Variants in RNF220 observed in about 807,000 individuals in gnomAD.
RNF220 encodes ring finger protein 220.
In RNF220, 7 loss-of-function variants were observed where a neutral mutation model predicts 67.1. The ratio of observed to expected loss-of-function variants is 0.10; its 90% CI spans 0.06 to 0.20. The LOEUF (loss-of-function observed/expected upper bound fraction) is 0.20. Among genes scored for constraint, RNF220 ranks in the 10% least tolerant of loss-of-function variants. RNF220 has a pLI of 1.00. For synonymous variants in RNF220, 270 were observed against 283.2 expected, an observed-to-expected ratio of 0.95 and a Z score of 0.47; for missense variants, 565 against 740.3, an observed-to-expected ratio of 0.76 and a Z score of 2.75.
chr1:44,460,047 A>G (rs1653609902), intron 2 of RNF220, among the ~76,000 whole-genome samples: 1 of 152,180 alleles, frequency 6.6e-6, no homozygotes, highest in South Asian at 2.1e-4. Flanking sequence ...CGGCCAGTAA[A>G]GGGTGAATTA....
intron 2 of RNF220, among the ~76,000 whole-genome samples, chr1:44,584,228 A>G (rs1665525530): frequency 6.6e-6 from 1 of 152,126 alleles, no homozygotes; most frequent in Non-Finnish European, 1.5e-5. Flanking sequence ...CCTTTGGTCC[A>G]CTCAATTCAG....
chr1:44,423,963 G>A lies in RNF220; in HGVS notation c.625+11241G>A, dbSNP rs549474963. On this transcript the variant is annotated intron_variant, in intron 2 of 14. Transcript: ENST00000361799. ...ACAGTTCCTTCCAGGCGGGGCCTCT[G>A]TACTCCACCATCCCCGCTGTGGTTT... 2.2e-5 allele frequency: 22 copies of A among 985,404 alleles called. No homozygotes were observed. The South Asian group carries it at 8.0e-4, about 36-fold the overall frequency. The allele number at this position is 985,404 out of a possible 1,614,324, so 61.0% of individuals were successfully genotyped here. A position where few individuals can be genotyped will look rare whatever the true frequency, so the allele number is the denominator to read the frequency against.
At chr1:44,487,261 G>A (rs193157452) in intron 2 of RNF220, among the ~76,000 whole-genome samples, 61 of 152,134 alleles carry the variant, frequency 4.0e-4, no homozygotes, top group South Asian at 3.1e-3. Context: ...CTTGAACCTG[G>A]GAGGCAGAGG....
chr1:44,508,687 A>G (rs893360652), intron 2 of RNF220, among the ~76,000 whole-genome samples: 1 of 152,146 alleles, frequency 6.6e-6, no homozygotes, highest in Non-Finnish European at 1.5e-5. Flanking sequence ...ATTTTCCCTG[A>G]GAACTGGGAG....
At chr1:44,495,507 G>C (rs1242445625) in intron 2 of RNF220, among the ~76,000 whole-genome samples, 1 of 152,200 alleles carries the variant, frequency 6.6e-6, no homozygotes, top group Non-Finnish European at 1.5e-5. Context: ...GTTAGTAAGG[G>C]AACGTAACCT....
intron 2 of RNF220, among the ~76,000 whole-genome samples, chr1:44,525,803 A>G (rs771299043): frequency 4.6e-5 from 7 of 152,152 alleles, no homozygotes; most frequent in Non-Finnish European, 8.8e-5. Context: ...AGCAGATTCC[A>G]TGGAAACACA....
intron 2 of RNF220, among the ~76,000 whole-genome samples, chr1:44,500,129 T>G (rs145821287): frequency 2.0e-5 from 3 of 152,314 alleles, no homozygotes; most frequent in Non-Finnish European, 4.4e-5. Flanking sequence ...ATTCTGTGAC[T>G]CCTCTGGCTT....
At position 44,645,515 on chromosome 1, in the gene RNF220, T is replaced by A; in HGVS notation, c.1445+27T>A. 1 of 1,609,446 alleles carries A rather than the reference T, an allele frequency of 6.2e-7. No homozygotes were observed. The highest frequency in any genetic ancestry group is 8.5e-7 in the Non-Finnish European group (1 of 1,177,070). On this transcript the variant is annotated intron_variant, in intron 12 of 14. Coordinates refer to ENST00000361799, the MANE Select transcript of RNF220 (RefSeq NM_018150.4). The surrounding 1 kb of genome is among the most constrained non-coding windows in gnomAD (Gnocchi z 5.0). ...TAAGTGTTTGGCCAGGAGAGAGCCC[T>A]GGGACCACAGTTCAGTGGGAGGAGG...
intron 2 of RNF220, among the ~76,000 whole-genome samples, chr1:44,557,312 G>A (rs1259018089): frequency 6.6e-6 from 1 of 150,574 alleles, no homozygotes; most frequent in African/African-American, 2.4e-5. Flanking sequence ...ATTGAGCCTA[G>A]GTATTCTTTC....
intron 2 of RNF220, among the ~76,000 whole-genome samples, chr1:44,474,279 G>A (rs1406208227): frequency 4.0e-5 from 6 of 151,826 alleles, no homozygotes; most frequent in Non-Finnish European, 8.8e-5. Context: ...GGAGGCTGAG[G>A]CAGGAGAATC....
intron 2 of RNF220, among the ~76,000 whole-genome samples, chr1:44,554,313 A>C (rs1662899248): frequency 1.3e-5 from 2 of 152,058 alleles, no homozygotes; most frequent in Non-Finnish European, 2.9e-5. Context: ...CCTGGTAGGC[A>C]TTGAGGAGGG....
chr1:44,491,032 C>G (rs1656807822), intron 2 of RNF220, among the ~76,000 whole-genome samples: 1 of 152,174 alleles, frequency 6.6e-6, no homozygotes, highest in African/African-American at 2.4e-5. Context: ...GAAACTGACT[C>G]AAGAAGAAGA....
chr1:44,451,401 A>G (rs1046052371), intron 2 of RNF220, among the ~76,000 whole-genome samples: 9 of 151,898 alleles, frequency 5.9e-5, no homozygotes, highest in African/African-American at 2.2e-4. Flanking sequence ...TCATATATTT[A>G]TTGATTATTT....
At chr1:44,495,030 TC>T (rs1275411189) in intron 2 of RNF220, among the ~76,000 whole-genome samples, 3 of 151,992 alleles carry the variant, frequency 2.0e-5, no homozygotes, top group African/African-American at 7.2e-5. Flanking sequence ...CTGGGCAACA[TC>T]GCAAGACCTC....
chr1:44,413,509 C>T (rs1047850971), intron 2 of RNF220, among the ~76,000 whole-genome samples: 2 of 152,144 alleles, frequency 1.3e-5, no homozygotes, highest in African/African-American at 4.8e-5. Flanking sequence ...GGAACTAAAC[C>T]TTTATTTGGA....
At chr1:44,488,708 C>A (rs915836783) in intron 2 of RNF220, among the ~76,000 whole-genome samples, 1 of 148,800 alleles carries the variant, frequency 6.7e-6, no homozygotes, top group African/African-American at 2.5e-5. Flanking sequence ...AGTACTTAGC[C>A]TTTTTCTTTT....
At chr1:44,542,270 C>T (rs898214649) in intron 2 of RNF220, among the ~76,000 whole-genome samples, 113 of 152,192 alleles carry the variant, frequency 7.4e-4, no homozygotes, top group African/African-American at 2.7e-3. Flanking sequence ...CACAAGAAAC[C>T]TCAGTGGGCA....
At chr1:44,510,812 A>T (rs1658927444) in intron 2 of RNF220, among the ~76,000 whole-genome samples, 1 of 152,174 alleles carries the variant, frequency 6.6e-6, no homozygotes, top group South Asian at 2.1e-4. Flanking sequence ...GGGAGGCACT[A>T]AGGGGCTTAA....
intron 4 of RNF220, among the ~76,000 whole-genome samples, chr1:44,625,850 G>A (rs920537876): frequency 4.6e-5 from 7 of 152,016 alleles, no homozygotes; most frequent in East Asian, 1.9e-4. Context: ...CTAGCTGCAC[G>A]TGGGAAACTC....
Sources: allele counts gnomAD v4.1 joint callset (sites outside exome capture counted in the v4.1 genomes callset), GRCh38; gene constraint gnomAD v4.1.1; non-coding constraint Gnocchi (gnomAD v3.1); transcripts MANE v1.5; gene names NCBI Gene and HGNC (gene_info 2026-07-23, HGNC 2026-07-21).